NADK2: variants seen among roughly 807,000 people sequenced by gnomAD.
NADK2 encodes NAD kinase 2, mitochondrial.
Under a neutral mutation model 62.1 loss-of-function variants are expected in NADK2, and 35 were observed. That is an observed-to-expected ratio of 0.56 (90% CI 0.43 to 0.75). The LOEUF is 0.75. NADK2 is among the 30% of genes least tolerant of loss of function. The probability of loss-of-function intolerance (pLI) is 0.00; values close to 1 mark genes in which losing one functional copy is unlikely to be tolerated. For missense variants in NADK2, 439 were observed against 561.3 expected, an observed-to-expected ratio of 0.78 and a Z score of 2.20; for synonymous variants, 205 against 207.9, an observed-to-expected ratio of 0.99 and a Z score of 0.12.
At chr5:36,202,081 A>G (rs1746470996) in intron 8 of NADK2, among the ~76,000 whole-genome samples, 1 of 152,052 alleles carries the variant, frequency 6.6e-6, no homozygotes, top group Non-Finnish European at 1.5e-5. Flanking sequence ...CTGGCTCTTA[A>G]CGTTTTGGGG....
rs146829734 is a variant in NADK2, at chr5:36,209,910, C to G, written c.860+1934G>C. Among the ~76,000 whole-genome samples, 51 of 152,226 alleles carry G rather than the reference C, an allele frequency of 3.4e-4. No individual in the cohort carries two copies. In the East Asian group the frequency reaches 9.6e-3, roughly 29 times the overall value. On this transcript the variant is annotated intron_variant, in intron 7 of 11. Coordinates refer to ENST00000381937, the MANE Select transcript of NADK2 (RefSeq NM_001085411.3). Reference sequence around the variant, plus strand: ...ACAAACTAATTACAAATCAAAGAAACTGTTCAAACCCTTCCGCTGAATCAA... The same window carrying G: ...ACAAACTAATTACAAATCAAAGAAAGTGTTCAAACCCTTCCGCTGAATCAA...
At chr5:36,229,463 T>G (rs72744559) in intron 1 of NADK2, among the ~76,000 whole-genome samples, 7 of 152,256 alleles carry the variant, frequency 4.6e-5, no homozygotes, top group Admixed American at 6.5e-5. Flanking sequence ...TCAGTAAGGT[T>G]TGAAAAACTA....
chr5:36,207,230 G>GGACCATGGGACCAT lies in NADK2; in HGVS notation c.895_896insATGGTCCCATGGTC (p.Pro299HisfsTer38), dbSNP rs1229980182. 1.2e-6 allele frequency: 2 copies of GGACCATGGGACCAT among 1,612,618 alleles called. No individual in the cohort carries two copies. Among genetic ancestry groups the GGACCATGGGACCAT allele is most frequent in the African/African-American group, 2.7e-5 (2 of 74,790 alleles). ...CCCTGAACTCTTCTGTTTTTCCCATGGACCATCATCAACTGAAATCTCATA... is the reference window on the plus strand; with the variant it reads ...CCCTGAACTCTTCTGTTTTTCCCATGGACCATGGGACCATGACCATCATCAACTGAAATCTCATA... On this transcript the variant is annotated frameshift_variant, in exon 8 of 12. Transcript: ENST00000381937. LOFTEE classifies it high-confidence loss of function.
At chr5:36,239,932 C>T (rs1748046110) in intron 1 of NADK2, among the ~76,000 whole-genome samples, 1 of 152,200 alleles carries the variant, frequency 6.6e-6, no homozygotes, top group African/African-American at 2.4e-5. Flanking sequence ...CACTCTTAAT[C>T]CCACACTCTG....
chr5:36,242,010 G>A, upstream of NADK2: 3 of 261,878 alleles, frequency 1.1e-5, no homozygotes, highest in Non-Finnish European at 2.1e-5. Flanking sequence ...GGAAACGGGA[G>A]ACCCCACGCG....
chr5:36,231,298 A>G (rs1437055727), intron 1 of NADK2, among the ~76,000 whole-genome samples: 2 of 152,332 alleles, frequency 1.3e-5, no homozygotes, highest in Admixed American at 6.5e-5. Context: ...GATTGCTAAC[A>G]ATAATAAAAT....
At chr5:36,197,513 A>T in intron 11 of NADK2, 28 bp downstream of exon 11, 1 of 1,611,714 alleles carries the variant, frequency 6.2e-7, no homozygotes, top group Non-Finnish European at 8.5e-7. Context: ...GGATGAAAAC[A>T]GTCAGAAGTC....
At chr5:36,208,891 T>G (rs990777447) in intron 7 of NADK2, among the ~76,000 whole-genome samples, 1 of 152,144 alleles carries the variant, frequency 6.6e-6, no homozygotes, top group Admixed American at 6.6e-5. Flanking sequence ...ACAGTTCTGA[T>G]GCTAGCTAAT....
At position 36,217,768 on chromosome 5, in the gene NADK2, A is replaced by C; in HGVS notation, c.761T>G (p.Ile254Ser). Residue 254 changes from isoleucine (I) to serine (S), a missense_variant, in exon 6 of 12, where the codon ATT becomes AGT. Physicochemically the swap from Ile to Ser is moderately radical, Grantham distance 142 (BLOSUM62 -2). Transcript: ENST00000381937. ...SLNQHNRALN[I>S]ERAHDERSEA... is the part of the protein sequence containing the mutation. ...CCTACTTTCATCATGAGCTCTTTCAATGTTAAGGGCTCTATTGTGCTGATT... is the reference window on the plus strand; with the variant it reads ...CCTACTTTCATCATGAGCTCTTTCACTGTTAAGGGCTCTATTGTGCTGATT... 1 of 1,613,884 alleles carries C rather than the reference A, an allele frequency of 6.2e-7. No individual in the cohort carries two copies. The highest frequency in any genetic ancestry group is 1.7e-5 in the Admixed American group (1 of 60,008).
chr5:36,200,307 GTATGT>G (rs1040780554), intron 9 of NADK2, 27 bp from the exon 10 acceptor site: 4 of 1,523,772 alleles, frequency 2.6e-6, no homozygotes, highest in Non-Finnish European at 3.6e-6. Flanking sequence ...GGGGGAAAAT[GTATGT>G]TATAAATATA....
intron 1 of NADK2, among the ~76,000 whole-genome samples, chr5:36,240,823 C>T (rs1748081088): frequency 6.6e-6 from 1 of 152,286 alleles, no homozygotes; most frequent in Admixed American, 6.5e-5. Flanking sequence ...GACATTTCTC[C>T]TTAATAACGT....
At position 36,201,739 on chromosome 5, in the gene NADK2, T is replaced by G. The variant is rs369060923; in HGVS notation, c.957-578A>C. On this transcript the variant is annotated intron_variant, in intron 8 of 11. Transcript: ENST00000381937. ...GATATGAAATGAAAGGGAGACTAGCTTTTTGCTGTATACCCTTTTGTACTT... is the reference window on the plus strand; with the variant it reads ...GATATGAAATGAAAGGGAGACTAGCGTTTTGCTGTATACCCTTTTGTACTT... Among the ~76,000 whole-genome samples the G allele has an allele frequency of 2.8e-4, 43 of 152,088 alleles. No individual in the cohort carries two copies. In the East Asian group the frequency reaches 3.1e-3, roughly 11 times the overall value.
In NADK2 at chr5:36,227,649, T is replaced by C. The variant is rs1055607649; in HGVS notation, c.301-84A>G. 4 of 653,012 alleles carry C rather than the reference T, an allele frequency of 6.1e-6. No homozygotes were observed. The Admixed American group carries it at 1.3e-4, about 21-fold the overall frequency. 40.5% of individuals were successfully genotyped at this position (653,012 alleles called of 1,614,324 possible). A position where few individuals can be genotyped will look rare whatever the true frequency, so the allele number is the denominator to read the frequency against. ...TATTATGATTTTTAAAAGCCCCGTA[T>C]AAAATATAATTTTTTGAAAATATAT... On this transcript the variant is annotated intron_variant, in intron 1 of 11. Coordinates refer to ENST00000381937, the MANE Select transcript of NADK2 (RefSeq NM_001085411.3).
Position 36,227,459 on chromosome 5 carries a change from C to A in NADK2, c.389+18G>T. 2 of 1,341,886 alleles carry A rather than the reference C, an allele frequency of 1.5e-6. No homozygotes were observed. Among genetic ancestry groups the A allele is most frequent in the Non-Finnish European group, 2.0e-6 (2 of 1,014,468 alleles). 83.1% of individuals were successfully genotyped at this position (1,341,886 alleles called of 1,614,324 possible). On this transcript the variant is annotated intron_variant, in intron 2 of 11. Transcript: ENST00000381937. The stretch of plus-strand genomic sequence containing the variant: ...CTGAATATAAAATCCAACCCAAGAC[C>A]CAATCCCATAGACTTACCGTAAACT...
intron 1 of NADK2, among the ~76,000 whole-genome samples, chr5:36,235,579 G>T (rs1438574587): frequency 6.6e-6 from 1 of 152,126 alleles, no homozygotes; most frequent in Non-Finnish European, 1.5e-5. Flanking sequence ...CTGATCTTCT[G>T]CTGTTAAAGC....
At chr5:36,213,416 T>C (rs1428679000) in intron 6 of NADK2, among the ~76,000 whole-genome samples, 1 of 152,020 alleles carries the variant, frequency 6.6e-6, no homozygotes, top group Non-Finnish European at 1.5e-5. Flanking sequence ...CTTCTGTTTA[T>C]TATGTTTATT....
At chr5:36,229,544 C>G (rs1221686583) in intron 1 of NADK2, among the ~76,000 whole-genome samples, 1 of 151,830 alleles carries the variant, frequency 6.6e-6, no homozygotes, top group African/African-American at 2.4e-5. Context: ...CATTACCCAG[C>G]TACAGATTGA....
intron 6 of NADK2, among the ~76,000 whole-genome samples, chr5:36,214,789 G>A (rs1229429982): frequency 2.6e-5 from 4 of 152,130 alleles, no homozygotes; most frequent in Non-Finnish European, 5.9e-5. Flanking sequence ...CTTAAAATAC[G>A]GTAGCAGCCA....
At chr5:36,200,898 T>G (rs984023848) in intron 9 of NADK2, among the ~76,000 whole-genome samples, 1 of 152,040 alleles carries the variant, frequency 6.6e-6, no homozygotes, top group Admixed American at 6.6e-5. Context: ...GTGAAAGTTT[T>G]CAAAGAAAAA....
Sources: allele counts gnomAD v4.1 joint callset (sites outside exome capture counted in the v4.1 genomes callset), GRCh38; gene constraint gnomAD v4.1.1; transcripts MANE v1.5; gene names NCBI Gene and HGNC (gene_info 2026-07-23, HGNC 2026-07-21).